Variants in CEP162 observed in about 807,000 individuals in gnomAD.
CEP162 encodes centrosomal protein of 162 kDa.
A neutral mutation model predicts 169.2 loss-of-function variants in CEP162; 141 were observed. The ratio of observed to expected loss-of-function variants is 0.83; its 90% confidence interval spans 0.73 to 0.96. CEP162 has a LOEUF of 0.96. Ranked by LOEUF, CEP162 falls within the 40% of genes least tolerant of loss-of-function variation. The probability of loss-of-function intolerance (pLI) is 0.00; values close to 1 mark genes in which losing one functional copy is unlikely to be tolerated. For synonymous variants in CEP162, 540 were observed against 526.4 expected (o/e 1.03, Z -0.35); for missense variants, 1,600 against 1,587.2 (o/e 1.01, Z -0.14).
rs538563988 is a variant in CEP162, at chr6:84,145,101, A to G, written c.3870+1586T>C. ...AATACATTGACTTTCTGACGCCAAT[A>G]AAGTCCCTTGGAAAAAACTGGCTTG... On this transcript the variant is annotated intron_variant, in intron 25 of 26. Transcript: ENST00000403245. Among the ~76,000 whole-genome samples, 10 of 152,262 alleles carry G rather than the reference A, an allele frequency of 6.6e-5. No individual in the cohort carries two copies. The South Asian group carries it at 1.4e-3, about 22-fold the overall frequency.
rs547094745 is a variant in CEP162, at chr6:84,184,724, T to G, written c.1663+463A>C. ...TTCCTTCTATCTATGCTCACTCTTT[T>G]GGTACTCTCAATCAGATTTCAACAA... is the stretch of plus-strand genomic sequence containing the variant. On this transcript the variant is annotated intron_variant, in intron 13 of 26. Transcript: ENST00000403245. Among the ~76,000 whole-genome samples the G allele has an allele frequency of 7.2e-5, 11 of 152,078 alleles. No homozygotes were observed. The East Asian group carries it at 1.9e-3, about 27-fold the overall frequency.
chr6:84,177,681 G>A (rs1220535921), intron 13 of CEP162, among the ~76,000 whole-genome samples: 4 of 152,086 alleles, frequency 2.6e-5, no homozygotes, highest in African/African-American at 9.7e-5. Context: ...GATTACAAGC[G>A]TCTGCCACCA....
chr6:84,139,917 C>T (rs1210289166), intron 25 of CEP162, among the ~76,000 whole-genome samples: 1 of 105,736 alleles, frequency 9.5e-6, no homozygotes, highest in Non-Finnish European at 1.6e-5. Context: ...GCCTGTTGTT[C>T]CAGCCACCCT....
intron 25 of CEP162, among the ~76,000 whole-genome samples, chr6:84,131,287 T>C (rs2099511308): frequency 6.6e-6 from 1 of 152,194 alleles, no homozygotes. Context: ...ATGTGGTCAA[T>C]TTTAAAATAA....
chr6:84,226,358 C>A lies in CEP162; in HGVS notation c.36G>T (p.Glu12Asp). 1 of 1,565,706 alleles carries A rather than the reference C, an allele frequency of 6.4e-7. No homozygotes were observed. The highest frequency in any genetic ancestry group is 2.3e-5 in the East Asian group (1 of 43,248). ...TTACCTCTTTCATAAACTGTTCAAA[C>A]TCTTCATCTAGCTCTTCTTGGGAAC... ...ANCSQEELDEEFEQFMKELSD... is the reference protein window; with the variant it reads ...ANCSQEELDEDFEQFMKELSD... Residue 12 changes from glutamate (E) to aspartate (D), a missense_variant, in exon 2 of 27, where the codon GAG becomes GAT. Physicochemically the swap from Glu to Asp is conservative, Grantham distance 45. Transcript: ENST00000403245.
Position 84,153,106 on chromosome 6 carries a change from C to A in CEP162, c.3068G>T (p.Arg1023Ile). ...AAGTTCCTTCTCTAGGGCTTTAATT[C>A]TGGGAGAGTCATGTTGATTCAATTT... is the stretch of plus-strand genomic sequence containing the variant. ...ACKLNQHDSP[R>I]IKALEKELDD... Residue 1023 changes from arginine to isoleucine, a missense_variant, in exon 23 of 27, where the codon AGA becomes ATA. Physicochemically the swap from Arg to Ile is moderately conservative, Grantham distance 97 (BLOSUM62 -3). Coordinates refer to ENST00000403245, the MANE Select transcript of CEP162 (RefSeq NM_014895.4). The A allele has an allele frequency of 6.2e-7, 1 of 1,612,786 alleles. No individual in the cohort carries two copies. The highest frequency in any genetic ancestry group is 1.3e-5 in the African/African-American group (1 of 74,982).
chr6:84,209,040 G>A lies in CEP162; in HGVS notation c.571+3917C>T, dbSNP rs567092573. On this transcript the variant is annotated intron_variant, in intron 6 of 26. Transcript: ENST00000403245. ...TAGGATTTGGGAACTAATAGGAGGC[G>A]CTGTGGTGTGTGTGTGTGACTGCAT... Among the ~76,000 whole-genome samples, 12 of 152,284 alleles carry A rather than the reference G, an allele frequency of 7.9e-5. No homozygotes were observed. The South Asian group carries it at 1.7e-3, about 21-fold the overall frequency.
chr6:84,158,088 T>C (rs2099523966), intron 21 of CEP162, among the ~76,000 whole-genome samples: 1 of 152,254 alleles, frequency 6.6e-6, no homozygotes, highest in Non-Finnish European at 1.5e-5. Flanking sequence ...TGCCTGTCTA[T>C]ATACCTGCTT....
At chr6:84,144,948 A>ATAAG (rs1169084352) in intron 25 of CEP162, among the ~76,000 whole-genome samples, 2 of 152,166 alleles carry the variant, frequency 1.3e-5, no homozygotes, top group Non-Finnish European at 2.9e-5. Context: ...AAATATTTGC[A>ATAAG]TAAGTTCAGT....
At chr6:84,216,559 G>A (rs1377982729) in intron 3 of CEP162, among the ~76,000 whole-genome samples, 1 of 152,022 alleles carries the variant, frequency 6.6e-6, no homozygotes, top group Non-Finnish European at 1.5e-5. Flanking sequence ...ACAGCATTCA[G>A]GAATTTGAAA....
At chr6:84,189,367 A>T (rs1327742174) in intron 11 of CEP162, among the ~76,000 whole-genome samples, 1 of 152,104 alleles carries the variant, frequency 6.6e-6, no homozygotes. Context: ...GGAGGTGTGG[A>T]GGGAGAGGCA....
chr6:84,146,600 C>T, intron 25 of CEP162, 87 bp downstream of exon 25: 2 of 606,132 alleles, frequency 3.3e-6, no homozygotes, highest in Non-Finnish European at 5.7e-6. Flanking sequence ...TCTATTTGTA[C>T]ATTTAGGTAA....
At chr6:84,160,704 A>C in intron 21 of CEP162, 108 bp downstream of exon 21, 1 of 663,768 alleles carries the variant, frequency 1.5e-6, no homozygotes, top group Non-Finnish European at 2.7e-6. Context: ...ACTTTAAAAC[A>C]AAAATTTCCA....
intron 6 of CEP162, among the ~76,000 whole-genome samples, chr6:84,206,382 A>G (rs1371498195): frequency 6.6e-6 from 1 of 152,140 alleles, no homozygotes; most frequent in African/African-American, 2.4e-5. Context: ...ATGTAGACCA[A>G]TGGAACAGAA....
intron 2 of CEP162, among the ~76,000 whole-genome samples, chr6:84,223,154 G>A (rs993181101): frequency 2.0e-5 from 3 of 152,114 alleles, no homozygotes; most frequent in African/African-American, 4.8e-5. Context: ...ACCTTCCACA[G>A]TGCTTCCCAG....
intron 6 of CEP162, among the ~76,000 whole-genome samples, chr6:84,205,875 C>T (rs967453002): frequency 6.7e-6 from 1 of 150,052 alleles, no homozygotes; most frequent in African/African-American, 2.5e-5. Context: ...AGCAAAGTCT[C>T]AGGATACAAA....
intron 23 of CEP162, among the ~76,000 whole-genome samples, chr6:84,151,704 G>T (rs181151048): frequency 5.2e-4 from 79 of 152,194 alleles, no homozygotes; most frequent in Non-Finnish European, 9.4e-4. Context: ...AGGAAGAAGG[G>T]TCAGAATTCA....
chr6:84,173,936 C>T, intron 16 of CEP162, 112 bp downstream of exon 16: 1 of 801,028 alleles, frequency 1.2e-6, no homozygotes, highest in Admixed American at 3.0e-5. Flanking sequence ...CCGCCCACCT[C>T]ATCCTCCCAA....
chr6:84,131,361 T>A (rs2099511350), intron 25 of CEP162, among the ~76,000 whole-genome samples: 1 of 152,222 alleles, frequency 6.6e-6, no homozygotes, highest in Non-Finnish European at 1.5e-5. Context: ...GTTTATTAGG[T>A]CTGCTTGGTG....
Sources: allele counts gnomAD v4.1 joint callset (sites outside exome capture counted in the v4.1 genomes callset), GRCh38; gene constraint gnomAD v4.1.1; transcripts MANE v1.5; gene names NCBI Gene and HGNC (gene_info 2026-07-23, HGNC 2026-07-21).